Variants in CENPW observed in about 807,000 individuals in gnomAD.
The protein encoded by CENPW is cancer-up-regulated gene 2 protein.
CENPW carries 3 observed loss-of-function variants against 11.1 expected under a neutral mutation model. The ratio of observed to expected loss-of-function variants is 0.27; its 90% CI spans 0.12 to 0.70. The LOEUF (loss-of-function observed/expected upper bound fraction) is 0.70. Among genes scored for constraint, CENPW ranks in the 30% least tolerant of loss-of-function variants. The probability of loss-of-function intolerance (pLI) is 0.77; values close to 1 mark genes in which losing one functional copy is unlikely to be tolerated. For missense variants in CENPW, 100 were observed against 105.6 expected (o/e 0.95, Z 0.23); for synonymous variants, 38 against 42.0 (o/e 0.91, Z 0.37).
chr6:126,397,910 T>C, the CENPW span, among the ~76,000 whole-genome samples: 1 of 152,168 alleles, frequency 6.6e-6, no homozygotes, highest in African/African-American at 2.4e-5. Flanking sequence ...AACCCTCTTT[T>C]TTCTTTGTAG....
chr6:126,403,477 A>G, the CENPW span, among the ~76,000 whole-genome samples: 1 of 152,134 alleles, frequency 6.6e-6, no homozygotes, highest in African/African-American at 2.4e-5. Context: ...AGTGGTCTGA[A>G]TAGATCAAAG....
At chr6:126,474,014 A>C in the CENPW span, among the ~76,000 whole-genome samples, 1 of 148,456 alleles carries the variant, frequency 6.7e-6, no homozygotes, top group Non-Finnish European at 1.5e-5. Flanking sequence ...TATATATTCT[A>C]TGTATATATG....
At chr6:126,363,214 CA>C in the CENPW span, among the ~76,000 whole-genome samples, 1 of 152,148 alleles carries the variant, frequency 6.6e-6, no homozygotes, top group Non-Finnish European at 1.5e-5. Context: ...GAGATTTCAT[CA>C]CTTGGCCATC....
At chr6:126,395,752 C>T in the CENPW span, among the ~76,000 whole-genome samples, 1 of 152,104 alleles carries the variant, frequency 6.6e-6, no homozygotes, top group Admixed American at 6.5e-5. Context: ...CAGGAGGTAC[C>T]CCTAGCCCAG....
At chr6:126,370,560 C>G in the CENPW span, among the ~76,000 whole-genome samples, 1 of 151,926 alleles carries the variant, frequency 6.6e-6, no homozygotes, top group African/African-American at 2.4e-5. Flanking sequence ...ATTTTATTCT[C>G]AGCTTTGTCA....
At chr6:126,423,243 T>C in the CENPW span, among the ~76,000 whole-genome samples, 1 of 152,040 alleles carries the variant, frequency 6.6e-6, no homozygotes, top group Non-Finnish European at 1.5e-5. Flanking sequence ...GAATGAACCA[T>C]TATAAGTTAG....
the CENPW span, among the ~76,000 whole-genome samples, chr6:126,415,819 C>T: frequency 2.6e-5 from 4 of 152,172 alleles, no homozygotes; most frequent in Admixed American, 6.6e-5. Flanking sequence ...GTAGAACTGT[C>T]GGTCCAATAA....
At chr6:126,465,893 A>T in the CENPW span, among the ~76,000 whole-genome samples, 1 of 152,116 alleles carries the variant, frequency 6.6e-6, no homozygotes, top group Non-Finnish European at 1.5e-5. Flanking sequence ...GTGGGGATAT[A>T]AGTCTCTTAT....
chr6:126,466,585 C>T, the CENPW span, among the ~76,000 whole-genome samples: 4 of 152,200 alleles, frequency 2.6e-5, no homozygotes, highest in African/African-American at 4.8e-5. Flanking sequence ...TATAGATACA[C>T]TTGCATATAG....
At chr6:126,455,773 A>C in the CENPW span, among the ~76,000 whole-genome samples, 11 of 151,268 alleles carry the variant, frequency 7.3e-5, no homozygotes, top group African/African-American at 2.7e-4. Context: ...GAGAAGAAGT[A>C]AAACTATCTC....
At chr6:126,466,410 G>A in the CENPW span, among the ~76,000 whole-genome samples, 1 of 152,084 alleles carries the variant, frequency 6.6e-6, no homozygotes. Context: ...CGCTCTATAT[G>A]TGTACTAGAA....
At chr6:126,417,704 A>G in the CENPW span, among the ~76,000 whole-genome samples, 2 of 152,206 alleles carry the variant, frequency 1.3e-5, no homozygotes, top group Non-Finnish European at 2.9e-5. Context: ...CACTTGGAAC[A>G]GTAAGTCCAT....
chr6:126,450,284 C>T, the CENPW span, among the ~76,000 whole-genome samples: 17 of 151,148 alleles, frequency 1.1e-4, 1 homozygote, highest in South Asian at 2.3e-3. Context: ...ATGTGTAAGA[C>T]TGACTTACTG....
the CENPW span, among the ~76,000 whole-genome samples, chr6:126,438,483 T>G: frequency 8.1e-6 from 1 of 123,268 alleles, no homozygotes; most frequent in Non-Finnish European, 1.8e-5. Context: ...CTGGACTTCA[T>G]GTGGATACAG....
chr6:126,350,364 G>A (rs755535741), downstream of CENPW, among the ~76,000 whole-genome samples: 4 of 152,068 alleles, frequency 2.6e-5, no homozygotes, highest in Non-Finnish European at 5.9e-5. Flanking sequence ...TTCTGGTGAG[G>A]GTCCTCTTCT....
At chr6:126,456,837 C>T in the CENPW span, among the ~76,000 whole-genome samples, 3 of 151,564 alleles carry the variant, frequency 2.0e-5, no homozygotes, top group African/African-American at 7.3e-5. Flanking sequence ...CTATAAGGAA[C>T]TGAAACAAAT....
At chr6:126,420,890 T>G in the CENPW span, among the ~76,000 whole-genome samples, 1 of 152,172 alleles carries the variant, frequency 6.6e-6, no homozygotes, top group Admixed American at 6.6e-5. Flanking sequence ...GCTCTTTTTT[T>G]TTATTTTTTA....
chr6:126,407,475 G>A, the CENPW span, among the ~76,000 whole-genome samples: 1,146 of 152,226 alleles, frequency 7.5e-3, 41 homozygotes, highest in Admixed American at 0.054. Flanking sequence ...GGGTCAAATG[G>A]TATTTCTACT....
the CENPW span, among the ~76,000 whole-genome samples, chr6:126,456,219 C>T: frequency 6.6e-6 from 1 of 150,974 alleles, no homozygotes; most frequent in Non-Finnish European, 1.5e-5. Flanking sequence ...AATTCATATA[C>T]TACCAAAAAA....
Sources: gnomAD v4.1 joint callset for allele counts (sites outside exome capture counted in the v4.1 genomes callset) on GRCh38, gnomAD v4.1.1 for gene constraint, MANE v1.5 for transcripts, NCBI Gene and HGNC (gene_info 2026-07-23, HGNC 2026-07-21) for gene names.